The following GAB2 variants were observed in gnomAD, a reference collection of about 807,000 sequenced individuals.
The protein encoded by GAB2 is GRB2 associated binding protein 2.
In GAB2, 26 loss-of-function variants were observed where a neutral mutation model predicts 65.5. The observed-to-expected ratio is 0.40, with a 90% CI of 0.29 to 0.55. The LOEUF is 0.55. GAB2 is among the 20% of genes least tolerant of loss of function. The probability of loss-of-function intolerance (pLI) is 0.53; values close to 1 mark genes in which losing one functional copy is unlikely to be tolerated. For missense variants in GAB2, 884 were observed against 875.8 expected (o/e 1.01, Z -0.12); for synonymous variants, 321 against 329.6 (o/e 0.97, Z 0.28).
At chr11:78,399,070 C>T (rs1856937926) in intron 1 of GAB2, among the ~76,000 whole-genome samples, 1 of 152,166 alleles carries the variant, frequency 6.6e-6, no homozygotes, top group Non-Finnish European at 1.5e-5. Context: ...TCCTAAGGAA[C>T]TCACTCACTA....
chr11:78,259,611 G>C (rs1009916968), intron 2 of GAB2, among the ~76,000 whole-genome samples: 9 of 152,206 alleles, frequency 5.9e-5, no homozygotes, highest in Non-Finnish European at 1.2e-4. Flanking sequence ...ATTTATGCCA[G>C]AGGAAATTCA....
intron 1 of GAB2, among the ~76,000 whole-genome samples, chr11:78,356,445 A>G (rs1409104836): frequency 6.6e-6 from 1 of 152,228 alleles, no homozygotes; most frequent in Non-Finnish European, 1.5e-5. Context: ...AGCAGACCTC[A>G]AGAATCAAAA....
At chr11:78,351,178 G>A (rs2134704540) in intron 1 of GAB2, among the ~76,000 whole-genome samples, 1 of 151,988 alleles carries the variant, frequency 6.6e-6, no homozygotes, top group East Asian at 1.9e-4. Flanking sequence ...ACATGTCATA[G>A]CCTAGTACCT....
intron 1 of GAB2, chr11:78,392,452 C>T (rs892907835): frequency 2.6e-5 from 4 of 152,198 alleles, no homozygotes; most frequent in Admixed American, 1.3e-4. Flanking sequence ...CACTACTCTG[C>T]TTGGCTTTTC....
At chr11:78,275,788 ATATC>A (rs1487904975) in intron 2 of GAB2, among the ~76,000 whole-genome samples, 4 of 152,128 alleles carry the variant, frequency 2.6e-5, no homozygotes, top group Non-Finnish European at 5.9e-5. Flanking sequence ...ACACAGATAT[ATATC>A]TATATATCTA....
intron 2 of GAB2, among the ~76,000 whole-genome samples, chr11:78,257,166 G>C (rs535435898): frequency 6.6e-6 from 1 of 152,132 alleles, no homozygotes; most frequent in South Asian, 2.1e-4. Flanking sequence ...GATTTCAGCC[G>C]AGGAGCCCAG....
rs1479074579 is a variant in GAB2, at chr11:78,217,749, G to C, written c.*1523C>G. On this transcript the variant is annotated 3_prime_UTR_variant, in exon 10 of 10. Coordinates refer to ENST00000361507, the MANE Select transcript of GAB2 (RefSeq NM_080491.3). ...GATGGCCTTTCAAACCTGGGGAGGA[G>C]AGTCCAAGATGGCTCCTGGAATGCT... 6.6e-6 allele frequency: 1 copy of C among 152,244 alleles called. No individual in the cohort carries two copies. Among genetic ancestry groups the C allele is most frequent in the Non-Finnish European group, 1.5e-5 (1 of 68,108 alleles). 9.4% of individuals were successfully genotyped at this position (152,244 alleles called of 1,614,324 possible). A position where few individuals can be genotyped will look rare whatever the true frequency, so the allele number is the denominator to read the frequency against.
chr11:78,263,928 C>A (rs566965552), intron 2 of GAB2, among the ~76,000 whole-genome samples: 1 of 148,976 alleles, frequency 6.7e-6, no homozygotes, highest in Non-Finnish European at 1.5e-5. Context: ...AGTAAAACAT[C>A]TCATTGGGGG....
chr11:78,391,649 TC>T (rs1307013885), intron 1 of GAB2, among the ~76,000 whole-genome samples: 1 of 152,178 alleles, frequency 6.6e-6, no homozygotes, highest in Non-Finnish European at 1.5e-5. Context: ...CTTTGAGTCA[TC>T]CCAGCCCTGG....
At chr11:78,331,003 G>C (rs1855904552) in intron 1 of GAB2, among the ~76,000 whole-genome samples, 1 of 151,682 alleles carries the variant, frequency 6.6e-6, no homozygotes, top group Admixed American at 6.6e-5. Context: ...GTAAAACCCT[G>C]TCTCTTCTAA....
intron 1 of GAB2, among the ~76,000 whole-genome samples, chr11:78,345,156 T>C (rs1365391554): frequency 6.6e-6 from 1 of 152,128 alleles, no homozygotes; most frequent in East Asian, 1.9e-4. Flanking sequence ...GGCACGCACC[T>C]ATAGTCCCAG....
intron 1 of GAB2, among the ~76,000 whole-genome samples, chr11:78,323,308 G>C (rs535301639): frequency 4.0e-4 from 61 of 152,144 alleles, no homozygotes; most frequent in African/African-American, 1.4e-3. Context: ...TCAGGAGTTC[G>C]AGACCAGCCT....
intron 1 of GAB2, chr11:78,392,289 A>C (rs1223000354): frequency 6.6e-6 from 1 of 152,142 alleles, no homozygotes; most frequent in East Asian, 1.9e-4. Context: ...TCTTTGCCTA[A>C]GCCTAGTTAG....
intron 1 of GAB2, among the ~76,000 whole-genome samples, chr11:78,305,246 C>A (rs1185038359): frequency 1.3e-5 from 2 of 152,174 alleles, no homozygotes; most frequent in African/African-American, 4.8e-5. Context: ...TGTGGCAGAG[C>A]TGGGACAAAA....
rs1356585261 is a variant in GAB2 at position 78,417,648 on chromosome 11, A to G, written c.73T>C (p.Tyr25His). 6 of 1,376,084 alleles carry G rather than the reference A, an allele frequency of 4.4e-6. No individual in the cohort carries two copies. The highest frequency in any genetic ancestry group is 4.8e-6 in the Non-Finnish European group (5 of 1,041,248). 85.2% of individuals were successfully genotyped at this position (1,376,084 alleles called of 1,614,324 possible). A position where few individuals can be genotyped will look rare whatever the true frequency, so the allele number is the denominator to read the frequency against. ...KSPPEKKLRR[Y>H]AWKKRWFILR... ...TGGGCGGCCGCGCCCGCACTCACAT[A>G]GCGCCTCAACTTCTTCTCGGGAGGC... The change falls in exon 1 of 10, where the codon TAT (tyrosine) becomes CAT (histidine). Residue 25 changes from tyrosine (Y) to histidine (H), a missense_variant and splice_region_variant. Transcript: ENST00000361507.
At chr11:78,314,518 C>G (rs1007189160) in intron 1 of GAB2, among the ~76,000 whole-genome samples, 1 of 152,170 alleles carries the variant, frequency 6.6e-6, no homozygotes, top group South Asian at 2.1e-4. Context: ...GTGATTTCAG[C>G]CAAACTCCAA....
chr11:78,249,397 G>A (rs990073049), intron 3 of GAB2, among the ~76,000 whole-genome samples: 2 of 152,188 alleles, frequency 1.3e-5, no homozygotes, highest in African/African-American at 2.4e-5. Flanking sequence ...TAATCTGCTG[G>A]CTATGGTAGC....
At chr11:78,355,501 C>G (rs991438465) in intron 1 of GAB2, among the ~76,000 whole-genome samples, 6 of 151,954 alleles carry the variant, frequency 3.9e-5, no homozygotes, top group Admixed American at 6.6e-5. Flanking sequence ...TATCAACATC[C>G]ACAGCAACAT....
At chr11:78,407,105 A>T (rs1857054995) in intron 1 of GAB2, among the ~76,000 whole-genome samples, 1 of 152,216 alleles carries the variant, frequency 6.6e-6, no homozygotes, top group Non-Finnish European at 1.5e-5. Context: ...GAAGCTATGG[A>T]ACTACAACAA....
Sources: allele counts gnomAD v4.1 joint callset (sites outside exome capture counted in the v4.1 genomes callset), GRCh38; gene constraint gnomAD v4.1.1; transcripts MANE v1.5; gene names NCBI Gene and HGNC (gene_info 2026-07-23, HGNC 2026-07-21).